The following DLG2 variants were observed in gnomAD, a reference collection of about 807,000 sequenced individuals.
The protein encoded by DLG2 is disks large homolog 2.
Under a neutral mutation model 132.5 loss-of-function variants are expected in DLG2, and 45 were observed. The observed-to-expected ratio is 0.34, with a 90% confidence interval of 0.27 to 0.44. The LOEUF is 0.44. Among genes scored for constraint, DLG2 ranks in the 20% least tolerant of loss-of-function variants. The probability of loss-of-function intolerance (pLI) is 1.00; values close to 1 mark genes in which losing one functional copy is unlikely to be tolerated. For missense variants in DLG2, 1,045 were observed against 1,196.9 expected (o/e 0.87, Z 1.87); for synonymous variants, 424 against 419.6 (o/e 1.01, Z -0.13).
intron 6 of DLG2, among the ~76,000 whole-genome samples, chr11:84,806,968 G>A (rs2076066532): frequency 6.6e-6 from 1 of 152,118 alleles, no homozygotes; most frequent in Admixed American, 6.5e-5. Flanking sequence ...ACAGTACACT[G>A]TCATATATAA....
Position 84,635,499 on chromosome 11 carries a change from G to A in DLG2, c.358-100768C>T, listed in dbSNP as rs78378140. Among the ~76,000 whole-genome samples, 9 of 152,066 alleles carry A rather than the reference G, an allele frequency of 5.9e-5. No homozygotes were observed. In the East Asian group the frequency reaches 1.5e-3, roughly 26 times the overall value. ...CTTGTAATAAATACCTAATACATAT[G>A]TGTTAAATAGTTTATTTGAACTATA... On this transcript the variant is annotated intron_variant, in intron 6 of 27. Coordinates refer to ENST00000376104, the MANE Select transcript of DLG2 (RefSeq NM_001142699.3).
At chr11:83,919,907 C>T (rs2077552176) in intron 15 of DLG2, among the ~76,000 whole-genome samples, 1 of 152,324 alleles carries the variant, frequency 6.6e-6, no homozygotes, top group Non-Finnish European at 1.5e-5. Context: ...CTAAATAACA[C>T]AGAGAAATGA....
chr11:85,301,193 T>G (rs1043431671), intron 3 of DLG2, among the ~76,000 whole-genome samples: 7 of 151,544 alleles, frequency 4.6e-5, no homozygotes, highest in African/African-American at 1.7e-4. Context: ...AGAACAAGAC[T>G]CCATCTCAAA....
At chr11:83,655,738 C>A (rs1406179338) in intron 18 of DLG2, among the ~76,000 whole-genome samples, 1 of 152,204 alleles carries the variant, frequency 6.6e-6, no homozygotes, top group Admixed American at 6.5e-5. Context: ...TCCCCACACC[C>A]ATATACCCTG....
At chr11:85,149,002 C>T (rs557533461) in intron 5 of DLG2, among the ~76,000 whole-genome samples, 10 of 152,178 alleles carry the variant, frequency 6.6e-5, no homozygotes, top group East Asian at 3.9e-4. Flanking sequence ...TTATTAAATA[C>T]GGAATCCTTT....
chr11:84,549,546 A>C (rs2099397494), intron 6 of DLG2, among the ~76,000 whole-genome samples: 1 of 152,194 alleles, frequency 6.6e-6, no homozygotes, highest in Non-Finnish European at 1.5e-5. Flanking sequence ...TCCTGGGTTT[A>C]AATCCTGTTC....
At chr11:83,902,294 C>A (rs1450816595) in intron 15 of DLG2, among the ~76,000 whole-genome samples, 1 of 152,116 alleles carries the variant, frequency 6.6e-6, no homozygotes, top group Admixed American at 6.5e-5. Context: ...GTAGTACCCA[C>A]CACAGATTAC....
chr11:83,690,190 T>C (rs1260955871), intron 18 of DLG2, among the ~76,000 whole-genome samples: 1 of 150,828 alleles, frequency 6.6e-6, no homozygotes, highest in African/African-American at 2.4e-5. Flanking sequence ...TGGCTACCAC[T>C]GGGGTGCGTA....
chr11:85,220,810 C>T (rs1424660796), intron 4 of DLG2, among the ~76,000 whole-genome samples: 5 of 151,578 alleles, frequency 3.3e-5, no homozygotes, highest in African/African-American at 1.2e-4. Context: ...ATAAGTTATA[C>T]TTCTCATGTT....
intron 17 of DLG2, among the ~76,000 whole-genome samples, chr11:83,787,314 T>TA (rs2040228391): frequency 1.1e-5 from 1 of 88,684 alleles, no homozygotes; most frequent in African/African-American, 6.2e-5. Flanking sequence ...TAAGCCTTGT[T>TA]TTTTTTTTGT....
chr11:84,309,876 G>A (rs2098269584), intron 7 of DLG2, among the ~76,000 whole-genome samples: 1 of 152,190 alleles, frequency 6.6e-6, no homozygotes, highest in Admixed American at 6.5e-5. Context: ...TTTACAATAG[G>A]TGGTTCCCAA....
chr11:84,690,640 G>T (rs2057926116), intron 6 of DLG2, among the ~76,000 whole-genome samples: 10 of 151,720 alleles, frequency 6.6e-5, no homozygotes, highest in Admixed American at 6.6e-4. Flanking sequence ...TTACGTGTCA[G>T]CCACAGTGGT....
At position 85,193,866 on chromosome 11, in the gene DLG2, G is replaced by C. The variant is rs185691258; in HGVS notation, c.187-39215C>G. On this transcript the variant is annotated intron_variant, in intron 4 of 27. Coordinates refer to ENST00000376104, the MANE Select transcript of DLG2 (RefSeq NM_001142699.3). The stretch of plus-strand genomic sequence containing the variant: ...ACAGTAACCTTTGAAGCACAATACG[G>C]TTGTGCTATGTGGTTCAAATGCAGT... Among the ~76,000 whole-genome samples the C allele has an allele frequency of 2.5e-3, 384 of 152,312 alleles. 2 individuals are homozygous for C. The highest frequency in any genetic ancestry group is 0.011 in the Admixed American group (165 of 15,304).
chr11:83,608,558 G>A (rs1427534405), intron 19 of DLG2, among the ~76,000 whole-genome samples: 1 of 152,090 alleles, frequency 6.6e-6, no homozygotes, highest in Non-Finnish European at 1.5e-5. Flanking sequence ...TGTACTGAAA[G>A]TGAAAAACAG....
chr11:84,097,025 A>C (rs895215750), intron 10 of DLG2, among the ~76,000 whole-genome samples: 2 of 152,216 alleles, frequency 1.3e-5, no homozygotes, highest in South Asian at 4.1e-4. Context: ...GAAAAACAGC[A>C]AAGTAGCTTA....
At chr11:84,890,158 G>C (rs1018483776) in intron 6 of DLG2, among the ~76,000 whole-genome samples, 1 of 152,074 alleles carries the variant, frequency 6.6e-6, no homozygotes, top group Non-Finnish European at 1.5e-5. Flanking sequence ...CTGATTGAAG[G>C]GTATAAAGGA....
rs115535560 is a variant in DLG2, at chr11:84,287,426, G to C, written c.520-36135C>G. Among the ~76,000 whole-genome samples the C allele has an allele frequency of 2.7e-3, 415 of 152,124 alleles. 1 individual carries two copies. The highest frequency in any genetic ancestry group is 9.4e-3 in the African/African-American group (389 of 41,508). On this transcript the variant is annotated intron_variant, in intron 7 of 27. Transcript: ENST00000376104. ...GTTGGGGGGCCAGGGCTAAAGCTTTGGACTTCTTAGGAATACTCTTCTTTT... is the reference window on the plus strand; with the variant it reads ...GTTGGGGGGCCAGGGCTAAAGCTTTCGACTTCTTAGGAATACTCTTCTTTT...
At chr11:85,461,731 A>G (rs1382074925) in intron 3 of DLG2, among the ~76,000 whole-genome samples, 2 of 152,240 alleles carry the variant, frequency 1.3e-5, no homozygotes, top group Admixed American at 6.5e-5. Context: ...GGAGATGTCA[A>G]TCTAGCATGT....
At chr11:83,944,822 G>C (rs2083433895) in intron 14 of DLG2, among the ~76,000 whole-genome samples, 1 of 152,160 alleles carries the variant, frequency 6.6e-6, no homozygotes, top group Non-Finnish European at 1.5e-5. Flanking sequence ...GAATCTTGAG[G>C]TCAGCCCAGA....
Sources: allele counts gnomAD v4.1 joint callset (sites outside exome capture counted in the v4.1 genomes callset), GRCh38; gene constraint gnomAD v4.1.1; transcripts MANE v1.5; gene names NCBI Gene and HGNC (gene_info 2026-07-23, HGNC 2026-07-21).